Variants in NAALADL2 observed in about 807,000 individuals in gnomAD.
The protein encoded by NAALADL2 is inactive N-acetylated-alpha-linked acidic dipeptidase-like protein 2.
NAALADL2 carries 76 observed loss-of-function variants against 87.2 expected under a neutral mutation model. That is an observed-to-expected ratio of 0.87 (90% confidence interval 0.72 to 1.05). The LOEUF is 1.05. Among genes scored for constraint, NAALADL2 ranks in the 50% least tolerant of loss-of-function variants. The pLI is 0.00. For missense variants in NAALADL2, 1,089 were observed against 945.8 expected (o/e 1.15, Z -1.99); for synonymous variants, 354 against 331.0 (o/e 1.07, Z -0.75).
At chr3:174,866,418 TAGAA>T (rs1346865607) in intron 1 of NAALADL2, among the ~76,000 whole-genome samples, 10 of 151,734 alleles carry the variant, frequency 6.6e-5, no homozygotes, top group East Asian at 3.9e-4. Flanking sequence ...AATCTGAAAA[TAGAA>T]AGGAAAATAA....
At chr3:175,059,598 C>T in intron 1 of NAALADL2, 1 of 343,636 alleles carries the variant, frequency 2.9e-6, no homozygotes, top group South Asian at 2.9e-5. Context: ...CACGGTTTCA[C>T]ATCAGTATGA....
intron 13 of NAALADL2, among the ~76,000 whole-genome samples, chr3:175,783,914 G>A (rs1254532254): frequency 7.1e-6 from 1 of 141,270 alleles, no homozygotes; most frequent in Non-Finnish European, 1.5e-5. Context: ...TAGCATGAAG[G>A]GTTGTTGAAT....
At chr3:175,569,780 C>T (rs1467976106) in intron 9 of NAALADL2, among the ~76,000 whole-genome samples, 8 of 151,508 alleles carry the variant, frequency 5.3e-5, no homozygotes, top group Non-Finnish European at 7.4e-5. Flanking sequence ...GTTGTTTAAG[C>T]CACCTGTTAC....
chr3:175,274,646 T>C (rs1753324768), intron 4 of NAALADL2, among the ~76,000 whole-genome samples: 1 of 152,178 alleles, frequency 6.6e-6, no homozygotes, highest in Non-Finnish European at 1.5e-5. Flanking sequence ...GGGTCTTTAA[T>C]CATTGCTCAA....
chr3:174,888,356 C>T (rs1484029591), intron 1 of NAALADL2, among the ~76,000 whole-genome samples: 1 of 152,034 alleles, frequency 6.6e-6, no homozygotes. Flanking sequence ...GAGTTGATTC[C>T]CATTTTGATC....
intron 3 of NAALADL2, among the ~76,000 whole-genome samples, chr3:175,251,661 GA>G (rs995686777): frequency 1.3e-5 from 2 of 152,078 alleles, no homozygotes; most frequent in Non-Finnish European, 2.9e-5. Context: ...AGAATATGTG[GA>G]AAAAATGACT....
At chr3:175,652,542 C>A (rs1021356040) in intron 11 of NAALADL2, among the ~76,000 whole-genome samples, 4 of 148,238 alleles carry the variant, frequency 2.7e-5, no homozygotes, top group East Asian at 2.0e-4. Flanking sequence ...GCAGTGGTGC[C>A]ATCTCGGCTC....
intron 1 of NAALADL2, among the ~76,000 whole-genome samples, chr3:174,496,510 TTATATA>T (rs5854577): frequency 0.43 from 62,559 of 145,622 alleles, 14,251 homozygotes; most frequent in East Asian, 0.88. Flanking sequence ...TATTTATATA[TTATATA>T]TATATATATA....
chr3:175,062,347 G>T (rs1325513226), intron 1 of NAALADL2, among the ~76,000 whole-genome samples: 2 of 152,098 alleles, frequency 1.3e-5, no homozygotes, highest in Non-Finnish European at 2.9e-5. Flanking sequence ...TTTGGAGATT[G>T]TTGGCTCAGC....
At chr3:174,705,543 G>A (rs9813463) in intron 2 of NAALADL2, among the ~76,000 whole-genome samples, 1 of 152,142 alleles carries the variant, frequency 6.6e-6, no homozygotes, top group African/African-American at 2.4e-5. Flanking sequence ...CCAGCACTTT[G>A]GGAGGCCGAG....
intron 2 of NAALADL2, among the ~76,000 whole-genome samples, chr3:174,689,980 A>G (rs971521895): frequency 4.6e-5 from 7 of 151,592 alleles, no homozygotes; most frequent in African/African-American, 1.5e-4. Flanking sequence ...TAAAAAAAAA[A>G]AGGTCCTGAG....
chr3:175,176,248 G>A (rs934384338), intron 2 of NAALADL2, among the ~76,000 whole-genome samples: 19 of 151,276 alleles, frequency 1.3e-4, no homozygotes, highest in Non-Finnish European at 2.1e-4. Context: ...ATGAATTGTC[G>A]CTCATCAGAC....
intron 1 of NAALADL2, among the ~76,000 whole-genome samples, chr3:175,085,620 T>G (rs552536504): frequency 6.6e-6 from 1 of 152,142 alleles, no homozygotes; most frequent in East Asian, 1.9e-4. Context: ...TCCTAAGACA[T>G]GTGGTTAAGA....
intron 11 of NAALADL2, among the ~76,000 whole-genome samples, chr3:175,722,872 C>A (rs1742424007): frequency 6.6e-6 from 1 of 152,138 alleles, no homozygotes. Flanking sequence ...GCCTCTTTAT[C>A]AGACCAGTGT....
At chr3:175,130,952 G>T (rs1042795750) in intron 2 of NAALADL2, among the ~76,000 whole-genome samples, 35 of 152,116 alleles carry the variant, frequency 2.3e-4, no homozygotes, top group Admixed American at 2.3e-3. Flanking sequence ...AATGCCATTG[G>T]AATTTTGATA....
intron 1 of NAALADL2, among the ~76,000 whole-genome samples, chr3:174,947,748 T>C (rs995414037): frequency 6.6e-6 from 1 of 151,934 alleles, no homozygotes. Flanking sequence ...ACACACATAC[T>C]GACACATATA....
chr3:174,937,561 G>A (rs888477678), intron 1 of NAALADL2, among the ~76,000 whole-genome samples: 2 of 151,948 alleles, frequency 1.3e-5, no homozygotes, highest in African/African-American at 4.8e-5. Flanking sequence ...GTATCTTTCA[G>A]AAACATGCAT....
chr3:175,389,949 G>T (rs1249271735), intron 5 of NAALADL2, among the ~76,000 whole-genome samples: 1 of 152,126 alleles, frequency 6.6e-6, no homozygotes, highest in Non-Finnish European at 1.5e-5. Flanking sequence ...GGTAAACTTG[G>T]TACTATATGC....
intron 1 of NAALADL2, among the ~76,000 whole-genome samples, chr3:175,031,778 C>A (rs1448211183): frequency 6.6e-6 from 1 of 151,936 alleles, no homozygotes. Flanking sequence ...TCACTGACAT[C>A]TGTTATTTTT....
Sources: gnomAD v4.1 joint callset for allele counts (sites outside exome capture counted in the v4.1 genomes callset) on GRCh38, gnomAD v4.1.1 for gene constraint, MANE v1.5 for transcripts, NCBI Gene and HGNC (gene_info 2026-07-23, HGNC 2026-07-21) for gene names.